Variants in PCDH11X observed in about 807,000 individuals in gnomAD.
PCDH11X encodes the protein protocadherin 11 X-linked.
In PCDH11X, 18 loss-of-function variants were observed where a neutral mutation model predicts 53.3. The ratio of observed to expected loss-of-function variants is 0.34; its 90% CI spans 0.23 to 0.50. PCDH11X has a LOEUF of 0.50. Ranked by LOEUF, PCDH11X falls within the 20% of genes least tolerant of loss-of-function variation. The probability of loss-of-function intolerance (pLI) is 0.98; values close to 1 mark genes in which losing one functional copy is unlikely to be tolerated. For missense variants in PCDH11X, 570 were observed against 1,032.4 expected (o/e 0.55, Z 6.14); for synonymous variants, 279 against 393.3 (o/e 0.71, Z 3.44).
chrX:92,519,240 C>A (rs965261403), intron 10 of PCDH11X, among the ~76,000 whole-genome samples: 5 of 107,620 alleles, frequency 4.6e-5, no homozygotes, highest in African/African-American at 1.7e-4. Flanking sequence ...CTCAAGCTCA[C>A]ACAGTAGGCA....
chrX:92,059,643 G>A (rs2063498484), intron 6 of PCDH11X, among the ~76,000 whole-genome samples: 1 of 111,073 alleles, frequency 9.0e-6, no homozygotes, highest in Admixed American at 9.6e-5. Flanking sequence ...TTTTTAACAT[G>A]TAAAAATTCA....
chrX:92,258,569 G>C (rs186819677), intron 7 of PCDH11X, among the ~76,000 whole-genome samples: 1 of 109,984 alleles, frequency 9.1e-6, no homozygotes, highest in African/African-American at 3.3e-5. Flanking sequence ...GGGTTTCACT[G>C]TGTTAGCCAG....
At chrX:91,868,910 C>T (rs1031995753) in intron 5 of PCDH11X, among the ~76,000 whole-genome samples, 4 of 111,184 alleles carry the variant, frequency 3.6e-5, no homozygotes, top group Non-Finnish European at 5.7e-5. Context: ...TCTTAAAGGA[C>T]CTTTTTACAA....
At chrX:92,373,709 A>AT (rs1017591048) in intron 8 of PCDH11X, among the ~76,000 whole-genome samples, 18 of 111,783 alleles carry the variant, frequency 1.6e-4, no homozygotes, top group African/African-American at 5.9e-4. Context: ...AACCACTTCG[A>AT]TTTTTTTAAA....
chrX:91,886,568 G>T (rs1486407452), intron 6 of PCDH11X, among the ~76,000 whole-genome samples: 8 of 109,610 alleles, frequency 7.3e-5, no homozygotes, highest in Non-Finnish European at 1.3e-4. Context: ...TATTTTCAAT[G>T]ATTTAAATGT....
chrX:92,313,244 A>T (rs184936523), intron 8 of PCDH11X, among the ~76,000 whole-genome samples: 2 of 110,942 alleles, frequency 1.8e-5, no homozygotes, highest in Non-Finnish European at 3.8e-5. Flanking sequence ...ACTATGTAAC[A>T]GGGACATTGC....
At chrX:92,528,909 G>C (rs1445143259) in intron 10 of PCDH11X, among the ~76,000 whole-genome samples, 1 of 110,323 alleles carries the variant, frequency 9.1e-6, no homozygotes, top group African/African-American at 3.3e-5. Context: ...TTATTAATTG[G>C]TGAAAGATAA....
intron 6 of PCDH11X, among the ~76,000 whole-genome samples, chrX:92,073,407 A>C (rs773024922): frequency 8.9e-6 from 1 of 112,571 alleles, no homozygotes; most frequent in Non-Finnish European, 1.9e-5. Context: ...TCATTGCAGA[A>C]AAGTGTGTAT....
intron 6 of PCDH11X, among the ~76,000 whole-genome samples, chrX:92,103,524 G>A (rs2064308828): frequency 9.0e-6 from 1 of 111,475 alleles, no homozygotes; most frequent in African/African-American, 3.3e-5. Flanking sequence ...GGTAAGCCAA[G>A]AAGGAGTCAG....
chrX:92,096,959 G>T (rs1373028740), intron 6 of PCDH11X, among the ~76,000 whole-genome samples: 2 of 111,921 alleles, frequency 1.8e-5, no homozygotes, highest in Non-Finnish European at 3.8e-5. Flanking sequence ...AAGTGGAACT[G>T]AGCCTAATGG....
At chrX:92,457,353 C>T (rs1266345784) in intron 9 of PCDH11X, among the ~76,000 whole-genome samples, 2 of 105,585 alleles carry the variant, frequency 1.9e-5, no homozygotes, top group Non-Finnish European at 3.9e-5. Context: ...TACAAAGTCC[C>T]AATAAGATAT....
chrX:91,950,720 TA>T (rs1226118221), intron 6 of PCDH11X, among the ~76,000 whole-genome samples: 1 of 109,689 alleles, frequency 9.1e-6, no homozygotes, highest in African/African-American at 3.3e-5. Flanking sequence ...TATTTTTAGG[TA>T]AACAGCTATA....
At chrX:91,901,224 GC>G (rs1940941082) in intron 6 of PCDH11X, among the ~76,000 whole-genome samples, 1 of 111,675 alleles carries the variant, frequency 9.0e-6, no homozygotes. Flanking sequence ...TGAGCATTAT[GC>G]CCCTTCTTCA....
intron 10 of PCDH11X, among the ~76,000 whole-genome samples, chrX:92,553,961 A>T (rs1359790468): frequency 1.8e-5 from 2 of 111,483 alleles, no homozygotes; most frequent in Non-Finnish European, 3.8e-5. Flanking sequence ...CATTATGGGA[A>T]AATATTCTTT....
chrX:92,091,000 A>G (rs995132404), intron 6 of PCDH11X, among the ~76,000 whole-genome samples: 8 of 112,390 alleles, frequency 7.1e-5, no homozygotes, highest in Non-Finnish European at 1.1e-4. Context: ...CATGTATACC[A>G]GTTGGTTAAC....
chrX:92,263,456 CAAT>C (rs1233441327), intron 8 of PCDH11X, among the ~76,000 whole-genome samples: 12 of 111,461 alleles, frequency 1.1e-4, no homozygotes, highest in African/African-American at 3.9e-4. Flanking sequence ...TAAATGCTAA[CAAT>C]AAAAAAAGGA....
intron 8 of PCDH11X, among the ~76,000 whole-genome samples, chrX:92,375,092 T>A (rs1176835465): frequency 1.1e-5 from 1 of 93,905 alleles, no homozygotes; most frequent in Non-Finnish European, 2.1e-5. Flanking sequence ...AAATTAAACA[T>A]GCAGATTGTT....
intron 10 of PCDH11X, among the ~76,000 whole-genome samples, chrX:92,563,900 A>G (rs1921134654): frequency 9.0e-6 from 1 of 111,206 alleles, no homozygotes; most frequent in Non-Finnish European, 1.9e-5. Context: ...GGAAACTACT[A>G]GAACTGATAA....
chrX:92,452,463 G>GTGTGTGTATA (rs1415846958), intron 9 of PCDH11X, among the ~76,000 whole-genome samples: 1 of 44,731 alleles, frequency 2.2e-5, no homozygotes, highest in African/African-American at 9.4e-5. Context: ...GTGTGTGTGT[G>GTGTGTGTATA]TATATATATA....
Sources: gnomAD v4.1 joint callset for allele counts (sites outside exome capture counted in the v4.1 genomes callset) on GRCh38, gnomAD v4.1.1 for gene constraint, MANE v1.5 for transcripts, NCBI Gene and HGNC (gene_info 2026-07-23, HGNC 2026-07-21) for gene names.